The following PKIB variants were observed in gnomAD, a reference collection of about 807,000 sequenced individuals.
PKIB encodes the protein cAMP-dependent protein kinase inhibitor beta, also known as PKI-beta.
A neutral mutation model predicts 4.5 loss-of-function variants in PKIB; 2 were observed. The observed-to-expected ratio is 0.44, with a 90% confidence interval of 0.18 to 1.39. The LOEUF is 1.39. Ranked by LOEUF, PKIB falls within the 40% of genes most tolerant of loss-of-function variation. PKIB has a pLI of 0.27. For missense variants in PKIB, 94 were observed against 92.6 expected, an observed-to-expected ratio of 1.02 and a Z score of -0.06; for synonymous variants, 38 against 36.0, an observed-to-expected ratio of 1.06 and a Z score of -0.20.
chr6:122,698,359 C>T (rs1265144501), intron 3 of PKIB, among the ~76,000 whole-genome samples: 1 of 152,140 alleles, frequency 6.6e-6, no homozygotes, highest in African/African-American at 2.4e-5. Flanking sequence ...AAGCTTGACT[C>T]CATCCTGTCG....
intron 2 of PKIB, among the ~76,000 whole-genome samples, chr6:122,492,648 TTTATG>T (rs1274071345): frequency 2.0e-5 from 3 of 152,170 alleles, no homozygotes; most frequent in Non-Finnish European, 4.4e-5. Context: ...ACTCTAACAT[TTTATG>T]TTTTATTTTA....
intron 2 of PKIB, among the ~76,000 whole-genome samples, chr6:122,553,481 CTTTTTTTT>C (rs533553939): frequency 0.012 from 764 of 65,830 alleles, 42 homozygotes; most frequent in Middle Eastern, 0.041. Flanking sequence ...CAAATATCTT[CTTTTTTTT>C]TTTTTTTTTT....
rs568804558 is a variant in PKIB, at chr6:122,514,424, A to G, written c.-248+36485A>G. ...TTGAAACTCAGGCCACAAAGAAGTC[A>G]TACTGATAAAGTTTAGAGAAACGTG... On this transcript the variant is annotated intron_variant, in intron 2 of 6. Coordinates refer to the PKIB transcript ENST00000392491. Among the ~76,000 whole-genome samples, 5 of 152,336 alleles carry G rather than the reference A, an allele frequency of 3.3e-5. No homozygotes were observed. The South Asian group carries it at 6.2e-4, about 19-fold the overall frequency.
chr6:122,521,155 T>C (rs1776933323), intron 2 of PKIB, among the ~76,000 whole-genome samples: 1 of 152,214 alleles, frequency 6.6e-6, no homozygotes. Flanking sequence ...ACCTCTCATA[T>C]GTAATGGTTT....
At chr6:122,663,117 A>C (rs1002936229) in intron 2 of PKIB, among the ~76,000 whole-genome samples, 1 of 152,190 alleles carries the variant, frequency 6.6e-6, no homozygotes, top group African/African-American at 2.4e-5. Flanking sequence ...ATAGCTTGAT[A>C]TCTGTTAATA....
At chr6:122,543,160 G>A (rs558134586) in intron 2 of PKIB, among the ~76,000 whole-genome samples, 99 of 151,904 alleles carry the variant, frequency 6.5e-4, no homozygotes, top group African/African-American at 1.8e-3. Flanking sequence ...CACCCCTTGC[G>A]CGTCCCGAGT....
At chr6:122,579,518 A>G (rs1773644952) in intron 2 of PKIB, among the ~76,000 whole-genome samples, 1 of 152,220 alleles carries the variant, frequency 6.6e-6, no homozygotes, top group South Asian at 2.1e-4. Context: ...AGCACTTTCC[A>G]GAGCAGGAAT....
intron 2 of PKIB, among the ~76,000 whole-genome samples, chr6:122,506,934 C>T (rs942999993): frequency 1.3e-5 from 2 of 151,746 alleles, no homozygotes; most frequent in African/African-American, 4.8e-5. Context: ...ATCTCCTGAC[C>T]TCGTGATCCG....
intron 3 of PKIB, among the ~76,000 whole-genome samples, chr6:122,588,863 G>T (rs1773931556): frequency 6.6e-6 from 1 of 152,118 alleles, no homozygotes; most frequent in Non-Finnish European, 1.5e-5. Context: ...ACAGAAACTT[G>T]GAGAGGCTGC....
At chr6:122,632,273 C>A (rs1421481249) in intron 1 of PKIB, among the ~76,000 whole-genome samples, 3 of 152,128 alleles carry the variant, frequency 2.0e-5, no homozygotes, top group African/African-American at 4.8e-5. Context: ...TAGACTCTTC[C>A]CTGCTCTGAA....
intron 2 of PKIB, among the ~76,000 whole-genome samples, chr6:122,568,436 TA>T (rs1773256390): frequency 6.6e-6 from 1 of 152,162 alleles, no homozygotes; most frequent in South Asian, 2.1e-4. Flanking sequence ...CCAGAGGACA[TA>T]TCCCCACCAG....
intron 2 of PKIB, among the ~76,000 whole-genome samples, chr6:122,496,992 A>T (rs1248494943): frequency 6.6e-6 from 1 of 152,218 alleles, no homozygotes; most frequent in Non-Finnish European, 1.5e-5. Flanking sequence ...GTTAGATTAC[A>T]TGCAAAGGCA....
At chr6:122,724,339 C>T (rs113840681) in intron 4 of PKIB, among the ~76,000 whole-genome samples, 3 of 152,240 alleles carry the variant, frequency 2.0e-5, no homozygotes, top group African/African-American at 7.2e-5. Context: ...AGGTATTAGA[C>T]TGCATAGCAG....
chr6:122,696,390 T>C (rs4506067), intron 3 of PKIB, among the ~76,000 whole-genome samples: 150,604 of 152,332 alleles, frequency 0.99, 74,467 homozygotes, highest in East Asian at 1. Context: ...GTGGCCAGGA[T>C]TCCAGCTCAC....
chr6:122,623,458 T>C (rs1279838388), intron 1 of PKIB, among the ~76,000 whole-genome samples: 1 of 152,116 alleles, frequency 6.6e-6, no homozygotes, highest in African/African-American at 2.4e-5. Context: ...TAGAGAAATG[T>C]GCCTTGTCAG....
chr6:122,701,403 G>C (rs1052968955), intron 3 of PKIB: 9 of 1,516,906 alleles, frequency 5.9e-6, no homozygotes, highest in Non-Finnish European at 8.1e-6. Flanking sequence ...ATGAAGTACT[G>C]ACTGGTTAAG....
chr6:122,560,560 A>G (rs1772983394), intron 2 of PKIB, among the ~76,000 whole-genome samples: 1 of 152,092 alleles, frequency 6.6e-6, no homozygotes, highest in African/African-American at 2.4e-5. Context: ...CATGAAATGA[A>G]TTAGGGAGGG....
Position 122,644,255 on chromosome 6 carries a change from T to C in PKIB, c.-76+10888T>C, listed in dbSNP as rs932886395. Reference sequence around the variant, plus strand: ...TGTGACAATTGACTGGTCCACCACATAGAATTTCTTAGTCTTTCTAACACT... The same window carrying C: ...TGTGACAATTGACTGGTCCACCACACAGAATTTCTTAGTCTTTCTAACACT... On this transcript the variant is annotated intron_variant, in intron 2 of 4. Transcript: ENST00000368452. The C allele has an allele frequency of 3.3e-5, 5 of 152,212 alleles. No individual in the cohort carries two copies. In the East Asian group the frequency reaches 9.6e-4, roughly 29 times the overall value. 9.4% of individuals were successfully genotyped at this position (152,212 alleles called of 1,614,324 possible).
At chr6:122,645,645 A>G (rs1427418185) in intron 2 of PKIB, among the ~76,000 whole-genome samples, 1 of 152,218 alleles carries the variant, frequency 6.6e-6, no homozygotes, top group African/African-American at 2.4e-5. Context: ...GGCCCTGGGA[A>G]ACCTGGATAG....
Sources: allele counts gnomAD v4.1 joint callset (sites outside exome capture counted in the v4.1 genomes callset), GRCh38; gene constraint gnomAD v4.1.1; transcripts MANE v1.5; gene names NCBI Gene and HGNC (gene_info 2026-07-23, HGNC 2026-07-21).